The following CCDC136 variants were observed in gnomAD, a reference collection of about 807,000 sequenced individuals.
The protein encoded by CCDC136 is coiled-coil domain-containing protein 136.
In CCDC136, 100 loss-of-function variants were observed where a neutral mutation model predicts 141.2. The ratio of observed to expected loss-of-function variants is 0.71; its 90% CI spans 0.60 to 0.84. The LOEUF (loss-of-function observed/expected upper bound fraction) is 0.84, where lower values mean the gene tolerates loss of function less well. CCDC136 is among the 40% of genes least tolerant of loss of function. The pLI, the probability that CCDC136 is intolerant of heterozygous loss-of-function variation, is 0.00. For synonymous variants in CCDC136, 474 were observed against 531.9 expected (o/e 0.89, Z 1.50); for missense variants, 1,206 against 1,379.4 (o/e 0.87, Z 1.99).
chr7:128,796,429 C>T (rs1412850491), intron 3 of CCDC136, among the ~76,000 whole-genome samples: 2 of 151,756 alleles, frequency 1.3e-5, no homozygotes, highest in Non-Finnish European at 2.9e-5. Context: ...AGGACCCTGG[C>T]AAGAGAACGT....
chr7:128,812,479 G>A (rs539694268), intron 13 of CCDC136, among the ~76,000 whole-genome samples, 167 bp downstream of exon 13: 9 of 152,078 alleles, frequency 5.9e-5, no homozygotes, highest in East Asian at 1.9e-4. Context: ...CTGGTCTCCC[G>A]CTCAGCCCTC....
At chr7:128,810,782 G>T (rs970231074) in intron 12 of CCDC136, among the ~76,000 whole-genome samples, 1 of 152,224 alleles carries the variant, frequency 6.6e-6, no homozygotes, top group Non-Finnish European at 1.5e-5. Context: ...ACACTTCTCA[G>T]TTATCAAAAT....
At position 128,814,891 on chromosome 7, in the gene CCDC136, C is replaced by A. The variant is rs748374705; in HGVS notation, c.3017C>A (p.Thr1006Asn). 1 of 1,600,308 alleles carries A rather than the reference C, an allele frequency of 6.2e-7. No individual in the cohort carries two copies. The highest frequency in any genetic ancestry group is 8.5e-7 in the Non-Finnish European group (1 of 1,172,312). The change falls in exon 15 of 18, where the codon ACT (threonine) becomes AAT (asparagine). Residue 1006 changes from threonine to asparagine, a missense_variant. Coordinates refer to ENST00000297788, the MANE Select transcript of CCDC136 (RefSeq NM_022742.5). ...MKKVTKPCSD[T>N]SESDLETRKS... Reference sequence around the variant, plus strand: ...AAGGTGACCAAGCCATGCTCGGATACTTCTGAGAGCGACCTTGAGACCAGA... The same window carrying A: ...AAGGTGACCAAGCCATGCTCGGATAATTCTGAGAGCGACCTTGAGACCAGA...
At position 128,794,100 on chromosome 7, in the gene CCDC136, G is replaced by C. The variant is rs1052564233; in HGVS notation, c.17-248G>C. Among the ~76,000 whole-genome samples, 5 of 152,230 alleles carry C rather than the reference G, an allele frequency of 3.3e-5. No homozygotes were observed. The highest frequency in any genetic ancestry group is 1.2e-4 in the African/African-American group (5 of 41,454). Reference sequence around the variant, plus strand: ...GCGGGCACCAGCCTGCCCACAGGCAGTGATAGGAGGCTACCAAGTGCAACA... The same window carrying C: ...GCGGGCACCAGCCTGCCCACAGGCACTGATAGGAGGCTACCAAGTGCAACA... On this transcript the variant is annotated intron_variant, in intron 1 of 17. Coordinates refer to ENST00000297788, the MANE Select transcript of CCDC136 (RefSeq NM_022742.5). The surrounding 1 kb of genome is among the most constrained non-coding windows in gnomAD (Gnocchi z 4.3).
intron 7 of CCDC136, 147 bp downstream of exon 7, chr7:128,806,048 A>G: frequency 9.4e-7 from 1 of 1,066,706 alleles, no homozygotes; most frequent in Non-Finnish European, 1.4e-6. Flanking sequence ...AACCAACTGT[A>G]GAAGTCATAT....
chr7:128,801,449 G>A lies in CCDC136; in HGVS notation c.610G>A (p.Glu204Lys), dbSNP rs1267890226. 6.2e-7 allele frequency: 1 copy of A among 1,613,390 alleles called. No individual in the cohort carries two copies. The highest frequency in any genetic ancestry group is 8.5e-7 in the Non-Finnish European group (1 of 1,179,718). ...GATCGCCTCCCTCCGTGCAGAAATG[G>A]AAATGAAGAGCTCTGAACCATCCGG... ...MEIASLRAEM[E>K]MKSSEPSGSL... Residue 204 changes from glutamate to lysine, a missense_variant, in exon 4 of 18, where the codon GAA becomes AAA. Transcript: ENST00000297788.
At chr7:128,815,531 C>T in intron 15 of CCDC136, 83 bp from the exon 16 acceptor site, 4 of 1,415,466 alleles carry the variant, frequency 2.8e-6, no homozygotes, top group Non-Finnish European at 3.8e-6. Context: ...AGTCATGTTT[C>T]CTGGAGCTAG....
intron 4 of CCDC136, among the ~76,000 whole-genome samples, chr7:128,803,162 A>G (rs1245682062): frequency 4.6e-5 from 7 of 152,236 alleles, no homozygotes; most frequent in Non-Finnish European, 1.0e-4. Context: ...TCTAAGAGAC[A>G]TAATTCTTTT....
intron 4 of CCDC136, among the ~76,000 whole-genome samples, chr7:128,804,299 A>G (rs1437373410): frequency 6.6e-6 from 1 of 152,280 alleles, no homozygotes; most frequent in Non-Finnish European, 1.5e-5. Context: ...TTTTACATAC[A>G]GTAAACTTTT....
rs1464552718 is a variant in CCDC136 at position 128,794,869 on chromosome 7, C to T, written c.346+101C>T. Reference sequence around the variant, plus strand: ...ACTGAAGCACAGCAGATAAAAATAACCAAATTCAGTAATTTCACCTCATTT... The same window carrying T: ...ACTGAAGCACAGCAGATAAAAATAATCAAATTCAGTAATTTCACCTCATTT... On this transcript the variant is annotated intron_variant, in intron 3 of 17. Transcript: ENST00000297788. This position sits in a 1 kb window ranked among gnomAD's most constrained non-coding sequence, Gnocchi z 4.3. The T allele has an allele frequency of 1.1e-6, 1 of 880,810 alleles. No individual in the cohort carries two copies. Among genetic ancestry groups the T allele is most frequent in the African/African-American group, 1.7e-5 (1 of 59,448 alleles). 54.6% of individuals were successfully genotyped at this position (880,810 alleles called of 1,614,324 possible).
chr7:128,791,958 T>G, upstream of CCDC136: 5 of 930,078 alleles, frequency 5.4e-6, no homozygotes, highest in Non-Finnish European at 6.8e-6. This position sits in a 1 kb window ranked among gnomAD's most constrained non-coding sequence, Gnocchi z 7.1. Context: ...CGCCCCCCAC[T>G]CCTCCCTCCC....
chr7:128,813,703 A>C (rs1236255572), intron 14 of CCDC136, among the ~76,000 whole-genome samples: 1 of 152,186 alleles, frequency 6.6e-6, no homozygotes, highest in Non-Finnish European at 1.5e-5. Flanking sequence ...ATTCTAGGCC[A>C]GGTGCGGTGG....
At chr7:128,812,977 C>T (rs998769864) in intron 14 of CCDC136, 48 bp downstream of exon 14, 4 of 1,324,498 alleles carry the variant, frequency 3.0e-6, no homozygotes, top group Non-Finnish European at 4.3e-6. Context: ...CCCCTGGAGC[C>T]ATAGAGGTCA....
chr7:128,792,284 C>T lies in CCDC136; in HGVS notation c.-128C>T. On this transcript the variant is annotated 5_prime_UTR_variant, in exon 1 of 18. Coordinates refer to ENST00000297788, the MANE Select transcript of CCDC136 (RefSeq NM_022742.5). Reference sequence around the variant, plus strand: ...CTGCACCCCAGCCCGCAGCCAGCCCCCCACCCCCCAGCCCCTCCTTTCTCC... The same window carrying T: ...CTGCACCCCAGCCCGCAGCCAGCCCTCCACCCCCCAGCCCCTCCTTTCTCC... The T allele has an allele frequency of 1.3e-6, 2 of 1,544,372 alleles. No individual in the cohort carries two copies. Among genetic ancestry groups the T allele is most frequent in the Non-Finnish European group, 8.8e-7 (1 of 1,142,106 alleles).
intron 1 of CCDC136, among the ~76,000 whole-genome samples, chr7:128,793,607 TTTTG>T (rs904564009): frequency 2.2e-4 from 34 of 152,222 alleles, no homozygotes; most frequent in Middle Eastern, 3.4e-3. Flanking sequence ...GTTTGGTTGT[TTTTG>T]TTTGTTTGTT....
chr7:128,792,109 G>A lies in CCDC136; in HGVS notation c.-303G>A. The A allele has an allele frequency of 1.4e-6, 2 of 1,397,294 alleles. No homozygotes were observed. Among genetic ancestry groups the A allele is most frequent in the Non-Finnish European group, 1.9e-6 (2 of 1,080,456 alleles). 86.6% of individuals were successfully genotyped at this position (1,397,294 alleles called of 1,614,324 possible). On this transcript the variant is annotated 5_prime_UTR_variant, in exon 1 of 18. Coordinates refer to ENST00000297788, the MANE Select transcript of CCDC136 (RefSeq NM_022742.5). Reference sequence around the variant, plus strand: ...TTTCTGTGCAAGCAAGAGGGTCCTGGAACAGCGGGTTCTGAGGAGGCTGGG... The same window carrying A: ...TTTCTGTGCAAGCAAGAGGGTCCTGAAACAGCGGGTTCTGAGGAGGCTGGG...
At chr7:128,815,464 G>A (rs1305138369) in intron 15 of CCDC136, 150 bp from the exon 16 acceptor site, 6 of 825,186 alleles carry the variant, frequency 7.3e-6, no homozygotes, top group Non-Finnish European at 1.1e-5. Flanking sequence ...TATGCTCAGG[G>A]GATTGGCTCA....
Position 128,814,784 on chromosome 7 carries a change from G to C in CCDC136, c.2910G>C (p.Lys970Asn). The C allele has an allele frequency of 6.2e-7, 1 of 1,613,234 alleles. No individual in the cohort carries two copies. Among genetic ancestry groups the C allele is most frequent in the South Asian group, 1.1e-5 (1 of 90,942 alleles). ...CQEELRQLREKRPSVVKEARG... is the reference protein window; with the variant it reads ...CQEELRQLRENRPSVVKEARG... ...AGGAGCTCCGCCAGCTCAGGGAGAAGAGGCCTTCTGTTGTCAAAGAAGCCC... is the reference window on the plus strand; with the variant it reads ...AGGAGCTCCGCCAGCTCAGGGAGAACAGGCCTTCTGTTGTCAAAGAAGCCC... Residue 970 changes from lysine (K) to asparagine (N), a missense_variant, in exon 15 of 18, where the codon AAG (lysine) becomes AAC (asparagine). Lys to Asn is a moderately conservative substitution (Grantham distance 94, BLOSUM62 0). Coordinates refer to ENST00000297788, the MANE Select transcript of CCDC136 (RefSeq NM_022742.5).
chr7:128,806,479 A>T, intron 8 of CCDC136, 84 bp downstream of exon 8: 1 of 1,338,876 alleles, frequency 7.5e-7, no homozygotes, highest in Non-Finnish European at 1.0e-6. Flanking sequence ...AAGAGTAGTG[A>T]GTTAAAAATA....
Sources: allele counts gnomAD v4.1 joint callset (sites outside exome capture counted in the v4.1 genomes callset), GRCh38; gene constraint gnomAD v4.1.1; non-coding constraint Gnocchi (gnomAD v3.1); transcripts MANE v1.5; gene names NCBI Gene and HGNC (gene_info 2026-07-23, HGNC 2026-07-21).